Variants in PODXL observed in about 807,000 individuals in gnomAD.
PODXL encodes podocalyxin like, also known as podocalyxin.
Under a neutral mutation model 48.9 loss-of-function variants are expected in PODXL, and 20 were observed. The ratio of observed to expected loss-of-function variants is 0.41; its 90% CI spans 0.29 to 0.59. PODXL has a LOEUF of 0.59. PODXL is among the 20% of genes least tolerant of loss of function. PODXL has a pLI of 0.31. For synonymous variants in PODXL, 295 were observed against 287.4 expected (o/e 1.03, Z -0.27); for missense variants, 606 against 675.1 (o/e 0.90, Z 1.13).
chr7:131,538,795 G>A (rs985698362), intron 1 of PODXL, among the ~76,000 whole-genome samples: 2 of 152,208 alleles, frequency 1.3e-5, no homozygotes, highest in Admixed American at 6.5e-5. Flanking sequence ...TCCCCATGCC[G>A]AGCCCCTGGA....
chr7:131,548,136 A>G (rs1274665363), intron 1 of PODXL, among the ~76,000 whole-genome samples: 1 of 152,262 alleles, frequency 6.6e-6, no homozygotes, highest in Admixed American at 6.5e-5. Context: ...GGCTACAGCC[A>G]CATAACTGGA....
intron 1 of PODXL, among the ~76,000 whole-genome samples, chr7:131,550,790 C>A (rs891107325): frequency 5.6e-5 from 8 of 142,780 alleles, no homozygotes; most frequent in South Asian, 2.3e-4. Context: ...TGCACGCACA[C>A]ACACACACAC....
intron 1 of PODXL, among the ~76,000 whole-genome samples, chr7:131,549,206 A>C (rs1215817253): frequency 6.6e-6 from 1 of 152,150 alleles, no homozygotes; most frequent in Non-Finnish European, 1.5e-5. Flanking sequence ...TCTTTGAGAA[A>C]GTGGCATTCA....
intron 1 of PODXL, among the ~76,000 whole-genome samples, chr7:131,522,923 T>C (rs1161326430): frequency 6.6e-6 from 1 of 152,264 alleles, no homozygotes; most frequent in Non-Finnish European, 1.5e-5. Flanking sequence ...GCTCATCCAT[T>C]AATCGGCTGA....
In PODXL at chr7:131,511,111, A is replaced by G. The variant is rs975638229; in HGVS notation, c.423T>C (p.Ala141=). Residue 141 remains alanine, a synonymous_variant, in exon 2 of 9, where the codon GCT becomes GCC. Transcript: ENST00000378555. ...TCTGGCTGCTTGTGGTGTTAGGTTTAGCTGTGGCTGTGGAGGTTGCAACTG... is the reference window on the plus strand; with the variant it reads ...TCTGGCTGCTTGTGGTGTTAGGTTTGGCTGTGGCTGTGGAGGTTGCAACTG... ...TTTVATSTAT[A]KPNTTSSQNG... 1 of 1,612,414 alleles carries G rather than the reference A, an allele frequency of 6.2e-7. No homozygotes were observed. The highest frequency in any genetic ancestry group is 1.1e-5 in the South Asian group (1 of 91,010).
rs568237122 is a variant in PODXL, at chr7:131,530,393, G to C, written c.101-18960C>G. Among the ~76,000 whole-genome samples the C allele has an allele frequency of 5.9e-5, 9 of 152,120 alleles. No individual in the cohort carries two copies. In the East Asian group the frequency reaches 1.5e-3, roughly 26 times the overall value. ...GCCCCCTCACTCCCCAGCCTTCCTT[G>C]TGAAGGACGTGATGCTCCCCATGTT... On this transcript the variant is annotated intron_variant, in intron 1 of 8. Coordinates refer to ENST00000378555, the MANE Select transcript of PODXL (RefSeq NM_001018111.3).
chr7:131,502,197 A>G lies in PODXL; in HGVS notation c.*2114T>C, dbSNP rs1797716976. 1 of 152,198 alleles carries G rather than the reference A, an allele frequency of 6.6e-6. No homozygotes were observed. Among genetic ancestry groups the G allele is most frequent in the African/African-American group, 2.4e-5 (1 of 41,432 alleles). 9.4% of individuals were successfully genotyped at this position (152,198 alleles called of 1,614,324 possible). Reference sequence around the variant, plus strand: ...GTCTGGCCTCTCCCACGGGACCACAACAGAAAACCTACTGGGTGGAGAGAA... The same window carrying G: ...GTCTGGCCTCTCCCACGGGACCACAGCAGAAAACCTACTGGGTGGAGAGAA... On this transcript the variant is annotated 3_prime_UTR_variant, in exon 9 of 9. Transcript: ENST00000378555.
At chr7:131,513,025 C>T (rs1733865) in intron 1 of PODXL, among the ~76,000 whole-genome samples, 72,557 of 148,180 alleles carry the variant, frequency 0.49, 18,268 homozygotes, top group East Asian at 0.85. Flanking sequence ...TCACATCCTA[C>T]GCAGAAGAAG....
intron 1 of PODXL, among the ~76,000 whole-genome samples, chr7:131,537,016 TCAGGAGGCTGAGG>T (rs1798386139): frequency 6.6e-6 from 1 of 152,158 alleles, no homozygotes; most frequent in South Asian, 2.1e-4. Context: ...TCCCAGCTCC[TCAGGAGGCTGAGG>T]CAGGAGGATC....
chr7:131,554,008 T>C (rs914355087), intron 1 of PODXL, among the ~76,000 whole-genome samples: 1 of 152,154 alleles, frequency 6.6e-6, no homozygotes, highest in Admixed American at 6.5e-5. Context: ...GAAGGTAAGC[T>C]GGGGGAGAGG....
chr7:131,511,304 G>A lies in PODXL; in HGVS notation c.230C>T (p.Ser77Leu), dbSNP rs778456078. 20 of 1,613,806 alleles carry A rather than the reference G, an allele frequency of 1.2e-5. 1 individual carries two copies. The South Asian group carries it at 1.6e-4, about 13-fold the overall frequency. The change falls in exon 2 of 9, where the codon TCG becomes TTG. Residue 77 changes from serine (S) to leucine (L), a missense_variant. Coordinates refer to ENST00000378555, the MANE Select transcript of PODXL (RefSeq NM_001018111.3). ...TACACCAAGGGTGGTCGCCTTGACC[G>A]AGGCCAAGATTTCGTTGGCCTTGGA... ...PTSKANEILA[S>L]VKATTLGVSS...
intron 1 of PODXL, among the ~76,000 whole-genome samples, chr7:131,548,372 C>A (rs546174887): frequency 6.6e-6 from 1 of 152,224 alleles, no homozygotes; most frequent in East Asian, 1.9e-4. Context: ...CACTTGGGTG[C>A]CTGAAATAAA....
At chr7:131,546,794 C>G (rs1481772892) in intron 1 of PODXL, among the ~76,000 whole-genome samples, 2 of 151,842 alleles carry the variant, frequency 1.3e-5, no homozygotes, top group Admixed American at 6.5e-5. Context: ...GGCAGTGCCC[C>G]CTAGGGGTGA....
chr7:131,522,051 C>T (rs1035846230), intron 1 of PODXL, among the ~76,000 whole-genome samples: 15 of 152,196 alleles, frequency 9.9e-5, no homozygotes, highest in Non-Finnish European at 1.8e-4. Flanking sequence ...CAGTGAAGGC[C>T]GCACCCTCAA....
rs143623515 is a variant in PODXL, at chr7:131,511,234, T to C, written c.300A>G (p.Ser100=). The C allele has an allele frequency of 4.3e-6, 7 of 1,614,076 alleles. No individual in the cohort carries two copies. Among genetic ancestry groups the C allele is most frequent in the Non-Finnish European group, 5.9e-6 (7 of 1,179,990 alleles). The change falls in exon 2 of 9, where the codon TCA becomes TCG. Residue 100 remains serine, a synonymous_variant. Coordinates refer to ENST00000378555, the MANE Select transcript of PODXL (RefSeq NM_001018111.3). The part of the protein sequence containing the change: ...PGTTTLAQQV[S]GPVNTTVARG... ...TAGCCACGGTAGTGTTGACTGGGCC[T>C]GAGACTTGCTGAGCCAGGGTTGTAG...
chr7:131,548,639 G>A (rs1370211887), intron 1 of PODXL, among the ~76,000 whole-genome samples: 1 of 152,236 alleles, frequency 6.6e-6, no homozygotes, highest in African/African-American at 2.4e-5. Flanking sequence ...TGATATGAGA[G>A]AGATATAACT....
chr7:131,538,420 T>C (rs1363517500), intron 1 of PODXL, among the ~76,000 whole-genome samples: 1 of 152,154 alleles, frequency 6.6e-6, no homozygotes. Flanking sequence ...CAGGGTTCAA[T>C]GACCTCTACA....
intron 1 of PODXL, among the ~76,000 whole-genome samples, chr7:131,522,227 G>C (rs1227629872): frequency 6.6e-6 from 1 of 152,224 alleles, no homozygotes; most frequent in Non-Finnish European, 1.5e-5. Context: ...AAGGTGGGTA[G>C]ATCACCTGAG....
intron 1 of PODXL, among the ~76,000 whole-genome samples, chr7:131,517,425 C>T (rs1002331732): frequency 4.6e-5 from 7 of 152,144 alleles, no homozygotes; most frequent in African/African-American, 9.7e-5. Context: ...TGACTCACAA[C>T]GATAGAGAAC....
Sources: gnomAD v4.1 joint callset for allele counts (sites outside exome capture counted in the v4.1 genomes callset) on GRCh38, gnomAD v4.1.1 for gene constraint, MANE v1.5 for transcripts, NCBI Gene and HGNC (gene_info 2026-07-23, HGNC 2026-07-21) for gene names.